Variants in CACNA2D1 observed in about 807,000 individuals in gnomAD.
CACNA2D1 encodes calcium voltage-gated channel auxiliary subunit alpha2delta 1.
In CACNA2D1, 53 loss-of-function variants were observed where a neutral mutation model predicts 171.5. The observed-to-expected ratio is 0.31, with a 90% CI of 0.25 to 0.39. CACNA2D1 has a LOEUF of 0.39. Among genes scored for constraint, CACNA2D1 ranks in the 10% least tolerant of loss-of-function variants. The pLI, the probability that CACNA2D1 is intolerant of heterozygous loss-of-function variation, is 1.00. For missense variants in CACNA2D1, 903 were observed against 1,299.8 expected (o/e 0.69, Z 4.69); for synonymous variants, 442 against 443.1 (o/e 1.00, Z 0.03).
chr7:82,011,063 T>C (rs1195749175), intron 15 of CACNA2D1, among the ~76,000 whole-genome samples: 1 of 152,154 alleles, frequency 6.6e-6, no homozygotes, highest in Non-Finnish European at 1.5e-5. Context: ...ATTTAAAAGA[T>C]TTTCAACTTT....
intron 1 of CACNA2D1, among the ~76,000 whole-genome samples, chr7:82,389,074 C>T (rs1431382651): frequency 1.3e-5 from 2 of 150,674 alleles, no homozygotes; most frequent in African/African-American, 4.9e-5. Flanking sequence ...CGAGATGCCG[C>T]CACTGCACTC....
intron 6 of CACNA2D1, among the ~76,000 whole-genome samples, chr7:82,093,825 C>T (rs564102381): frequency 6.6e-6 from 1 of 152,112 alleles, no homozygotes; most frequent in South Asian, 2.1e-4. Context: ...CAAAATTATG[C>T]ACATACAAGC....
intron 10 of CACNA2D1, among the ~76,000 whole-genome samples, chr7:82,045,929 A>C (rs997708319): frequency 6.6e-6 from 1 of 152,132 alleles, no homozygotes; most frequent in Admixed American, 6.6e-5. Flanking sequence ...CTTTTCTCTA[A>C]GGTCTTTAAT....
At chr7:82,298,498 T>C (rs944304498) in intron 3 of CACNA2D1, among the ~76,000 whole-genome samples, 2 of 152,192 alleles carry the variant, frequency 1.3e-5, no homozygotes, top group African/African-American at 4.8e-5. Context: ...TATGAATAAG[T>C]TTCCTTTCTT....
intron 3 of CACNA2D1, among the ~76,000 whole-genome samples, chr7:82,272,913 T>A (rs1808827866): frequency 6.6e-6 from 1 of 152,114 alleles, no homozygotes; most frequent in South Asian, 2.1e-4. Flanking sequence ...ACTCCTAATT[T>A]CCTGACCCAT....
Position 82,342,456 on chromosome 7 carries a change from A to G in CACNA2D1, c.177+7112T>C, listed in dbSNP as rs368404456. 1.4e-4 allele frequency among the ~76,000 whole-genome samples: 22 copies of G among 152,320 alleles called. No homozygotes were observed. The East Asian group carries it at 1.9e-3, about 13-fold the overall frequency. On this transcript the variant is annotated intron_variant, in intron 2 of 38. Coordinates refer to ENST00000356860, the MANE Select transcript of CACNA2D1 (RefSeq NM_000722.4). ...CTGGGAATGTGAATAATGATTTATA[A>G]CAACTTCTTCCCTGTATTTTAAAAT...
intron 3 of CACNA2D1, among the ~76,000 whole-genome samples, chr7:82,304,199 C>T (rs993348023): frequency 6.6e-6 from 1 of 151,870 alleles, no homozygotes; most frequent in Admixed American, 6.6e-5. Flanking sequence ...GTAATAGATG[C>T]TGTGAGAATG....
intron 3 of CACNA2D1, among the ~76,000 whole-genome samples, chr7:82,317,415 C>T (rs1815257937): frequency 6.6e-6 from 1 of 152,170 alleles, no homozygotes; most frequent in African/African-American, 2.4e-5. Flanking sequence ...ACAGAGACTG[C>T]TTTTAAGTCT....
chr7:82,342,500 TA>T (rs1024890466), intron 2 of CACNA2D1, among the ~76,000 whole-genome samples: 1 of 152,102 alleles, frequency 6.6e-6, no homozygotes, highest in Non-Finnish European at 1.5e-5. Flanking sequence ...ATTTTAAACC[TA>T]AAAAAATCAT....
intron 3 of CACNA2D1, among the ~76,000 whole-genome samples, chr7:82,264,701 T>C (rs911598457): frequency 2.0e-5 from 3 of 152,220 alleles, no homozygotes; most frequent in African/African-American, 7.2e-5. Flanking sequence ...CTACAGTAAA[T>C]GACTTTGTGT....
At chr7:82,116,132 C>G (rs1397175788) in intron 6 of CACNA2D1, among the ~76,000 whole-genome samples, 1 of 152,162 alleles carries the variant, frequency 6.6e-6, no homozygotes, top group African/African-American at 2.4e-5. Flanking sequence ...GCAAGCAGTT[C>G]TTTCCCCTTA....
At chr7:82,281,803 ATAT>A (rs1251536481) in intron 3 of CACNA2D1, among the ~76,000 whole-genome samples, 4 of 131,760 alleles carry the variant, frequency 3.0e-5, no homozygotes, top group Non-Finnish European at 6.7e-5. Flanking sequence ...TAAATTTAAA[ATAT>A]TATATTTAAA....
chr7:82,220,865 AC>A (rs1784507446), intron 3 of CACNA2D1, among the ~76,000 whole-genome samples: 1 of 147,034 alleles, frequency 6.8e-6, no homozygotes, highest in South Asian at 2.1e-4. Flanking sequence ...TGCAACCTCC[AC>A]CACACAGGTT....
At chr7:82,199,592 A>G (rs992235301) in intron 3 of CACNA2D1, among the ~76,000 whole-genome samples, 1 of 152,110 alleles carries the variant, frequency 6.6e-6, no homozygotes, top group Non-Finnish European at 1.5e-5. Context: ...ATTAGCAGAG[A>G]GAAATTAGAA....
intron 25 of CACNA2D1, among the ~76,000 whole-genome samples, chr7:81,972,118 A>C (rs905865376): frequency 6.6e-6 from 1 of 151,734 alleles, no homozygotes; most frequent in Admixed American, 6.6e-5. Context: ...TATCAAAATA[A>C]GAAATAAGCT....
rs780401942 is a variant in CACNA2D1, at chr7:82,441,939, T to G, written c.95+1426A>C. ...GAAGCATCCTTAGGGTGATTCTTACTCTTTTTATGTTTAAAAATATCTGAC... is the reference window on the plus strand; with the variant it reads ...GAAGCATCCTTAGGGTGATTCTTACGCTTTTTATGTTTAAAAATATCTGAC... On this transcript the variant is annotated intron_variant, in intron 1 of 38. Transcript: ENST00000356860. Among the ~76,000 whole-genome samples the G allele has an allele frequency of 2.1e-4, 32 of 152,248 alleles. 1 individual carries two copies. The highest frequency in any genetic ancestry group is 4.0e-4 in the Non-Finnish European group (27 of 68,040).
At chr7:82,030,257 G>T (rs1802511594) in intron 12 of CACNA2D1, among the ~76,000 whole-genome samples, 1 of 151,458 alleles carries the variant, frequency 6.6e-6, no homozygotes, top group Admixed American at 6.6e-5. Context: ...TCAACCAACT[G>T]AACAATTTGT....
intron 10 of CACNA2D1, among the ~76,000 whole-genome samples, chr7:82,055,928 G>GTA (rs1430553688): frequency 9.5e-4 from 36 of 37,840 alleles, no homozygotes; most frequent in African/African-American, 2.0e-3. Flanking sequence ...ATGTGTGTGT[G>GTA]TGTATATATA....
At chr7:82,321,041 G>C (rs781070050) in intron 3 of CACNA2D1, among the ~76,000 whole-genome samples, 1 of 152,044 alleles carries the variant, frequency 6.6e-6, no homozygotes, top group Non-Finnish European at 1.5e-5. Flanking sequence ...AAAGCACATT[G>C]TTGAAAAGCA....
Sources: gnomAD v4.1 joint callset for allele counts (sites outside exome capture counted in the v4.1 genomes callset) on GRCh38, gnomAD v4.1.1 for gene constraint, MANE v1.5 for transcripts, NCBI Gene and HGNC (gene_info 2026-07-23, HGNC 2026-07-21) for gene names.